Variants in HEATR4 observed in about 807,000 individuals in gnomAD.
HEATR4 encodes the protein HEAT repeat-containing protein 4.
HEATR4 carries 95 observed loss-of-function variants against 108.8 expected under a neutral mutation model. The observed-to-expected ratio is 0.87, with a 90% CI of 0.74 to 1.04. The LOEUF is 1.04. Ranked by LOEUF, HEATR4 falls within the 50% of genes least tolerant of loss-of-function variation. HEATR4 has a pLI of 0.00. For missense variants in HEATR4, 1,152 were observed against 1,253.8 expected (o/e 0.92, Z 1.23); for synonymous variants, 443 against 459.4 (o/e 0.96, Z 0.46).
upstream of HEATR4, among the ~76,000 whole-genome samples, chr14:73,562,153 GGTGGCA>G (rs1373546022): frequency 2.0e-5 from 3 of 152,004 alleles, no homozygotes; most frequent in Non-Finnish European, 4.4e-5. Context: ...GCCAGGGGCT[GGTGGCA>G]GTGGGGAATA....
At chr14:73,575,295 C>T in the HEATR4 span, 1 of 831,074 alleles carries the variant, frequency 1.2e-6, no homozygotes, top group Non-Finnish European at 1.8e-6. Context: ...GAGGAGAAAG[C>T]CCCAGATCAT....
At chr14:73,478,961 C>T (rs911895524) in intron 17 of HEATR4, 119 bp from the exon 18 acceptor site, 12 of 681,692 alleles carry the variant, frequency 1.8e-5, no homozygotes, top group Non-Finnish European at 2.9e-5. Flanking sequence ...CTTTTTGAGA[C>T]GGAGTCCCAC....
intron 14 of HEATR4, among the ~76,000 whole-genome samples, chr14:73,497,300 A>G (rs1247389644): frequency 6.6e-6 from 1 of 152,062 alleles, no homozygotes. Flanking sequence ...TCAGCCTCCC[A>G]AAGTGTTGGG....
intron 2 of HEATR4, among the ~76,000 whole-genome samples, chr14:73,524,310 A>AAAAAAAAAATATATATAT: frequency 7.3e-5 from 4 of 54,780 alleles, no homozygotes; most frequent in South Asian, 7.9e-4. Flanking sequence ...AAAAAAAAAA[A>AAAAAAAAAATATATATAT]ATATATATAT....
chr14:73,568,231 A>T, the HEATR4 span: 1 of 152,088 alleles, frequency 6.6e-6, no homozygotes, highest in Non-Finnish European at 1.5e-5. Flanking sequence ...TATTAGGAGC[A>T]GAGGCAAACA....
At chr14:73,619,587 C>T in the HEATR4 span, 1 of 1,614,176 alleles carries the variant, frequency 6.2e-7, no homozygotes, top group Non-Finnish European at 8.5e-7. Flanking sequence ...CTCAGATAGC[C>T]TCTGAAAGGC....
chr14:73,561,480 G>A (rs1467722280), upstream of HEATR4, among the ~76,000 whole-genome samples: 1 of 150,854 alleles, frequency 6.6e-6, no homozygotes, highest in Non-Finnish European at 1.5e-5. Flanking sequence ...TCAAGGTCAG[G>A]AGTTCGAGAC....
At chr14:73,542,282 G>GCCA (rs542513389) in intron 1 of HEATR4, among the ~76,000 whole-genome samples, 1,694 of 110,498 alleles carry the variant, frequency 0.015, 498 homozygotes, top group Middle Eastern at 0.057. Flanking sequence ...ACAGGCATGA[G>GCCA]CCACCACACC....
At chr14:73,589,260 T>G in the HEATR4 span, among the ~76,000 whole-genome samples, 1 of 152,206 alleles carries the variant, frequency 6.6e-6, no homozygotes, top group Admixed American at 6.6e-5. Flanking sequence ...CCCTGGCAAC[T>G]ACTGATCTTT....
rs1595116795 is a variant in HEATR4 at position 73,511,890 on chromosome 14, C to A, written c.1558+116G>T. 5 of 1,281,472 alleles carry A rather than the reference C, an allele frequency of 3.9e-6. No individual in the cohort carries two copies. The East Asian group carries it at 1.2e-4, about 30-fold the overall frequency. The allele number at this position is 1,281,472 out of a possible 1,614,324, so 79.4% of individuals were successfully genotyped here. A position where few individuals can be genotyped will look rare whatever the true frequency, so the allele number is the denominator to read the frequency against. On this transcript the variant is annotated intron_variant, in intron 7 of 17. Transcript: ENST00000553558. ...TGTATATATAGGCCAGTCTCTAAGT[C>A]TTGGTTTCCACATTTGTAAAATGAT...
chr14:73,524,116 T>C (rs201813838), intron 2 of HEATR4, among the ~76,000 whole-genome samples: 1 of 150,984 alleles, frequency 6.6e-6, no homozygotes, highest in Non-Finnish European at 1.5e-5. Context: ...CATGGTGAAA[T>C]CCCATCTCTA....
chr14:73,594,850 G>A, the HEATR4 span, among the ~76,000 whole-genome samples: 4 of 152,120 alleles, frequency 2.6e-5, no homozygotes, highest in African/African-American at 4.8e-5. Context: ...AGAGGCGTGC[G>A]CCACCACACT....
chr14:73,610,044 C>CA, the HEATR4 span, among the ~76,000 whole-genome samples: 3 of 151,830 alleles, frequency 2.0e-5, no homozygotes. Flanking sequence ...ATAAACACCT[C>CA]AGGCATGGTG....
chr14:73,523,277 T>C (rs1261324132), intron 2 of HEATR4, 53 bp from the exon 3 acceptor site: 3 of 880,436 alleles, frequency 3.4e-6, no homozygotes, highest in Non-Finnish European at 5.0e-6. Flanking sequence ...CAGAAATTGG[T>C]AGCCCATAGC....
the HEATR4 span, among the ~76,000 whole-genome samples, chr14:73,607,915 T>C: frequency 6.6e-6 from 1 of 151,870 alleles, no homozygotes; most frequent in Non-Finnish European, 1.5e-5. Flanking sequence ...TGAGCCACCA[T>C]GCCCAGCGGG....
chr14:73,503,542 A>G (rs1208315743), intron 10 of HEATR4, among the ~76,000 whole-genome samples: 1 of 152,184 alleles, frequency 6.6e-6, no homozygotes, highest in Non-Finnish European at 1.5e-5. Context: ...TGCTAGAAGT[A>G]TCTCCCTTCT....
At chr14:73,612,779 G>C in the HEATR4 span, 3 of 1,369,234 alleles carry the variant, frequency 2.2e-6, no homozygotes, top group East Asian at 6.1e-5. Flanking sequence ...CGCGCTGGGA[G>C]GCAGCTTCGC....
In HEATR4 at chr14:73,478,562, A is replaced by G; in HGVS notation, c.*44T>C. ...TCAATTAAAAAGACCCAATGTGACC[A>G]GGTCCACTGCTTCCTGCATCTTGAA... On this transcript the variant is annotated 3_prime_UTR_variant, in exon 18 of 18. Transcript: ENST00000553558. 1 of 1,286,130 alleles carries G rather than the reference A, an allele frequency of 7.8e-7. No homozygotes were observed. The highest frequency in any genetic ancestry group is 1.2e-5 in the South Asian group (1 of 83,068). The allele number at this position is 1,286,130 out of a possible 1,614,324, so 79.7% of individuals were successfully genotyped here.
At chr14:73,579,128 C>T in the HEATR4 span, among the ~76,000 whole-genome samples, 2 of 147,798 alleles carry the variant, frequency 1.4e-5, no homozygotes, top group South Asian at 2.2e-4. Context: ...TGGTGGCATG[C>T]GCCTGTAATC....
Sources: allele counts gnomAD v4.1 joint callset (sites outside exome capture counted in the v4.1 genomes callset), GRCh38; gene constraint gnomAD v4.1.1; transcripts MANE v1.5; gene names NCBI Gene and HGNC (gene_info 2026-07-23, HGNC 2026-07-21).